Variants in JAZF1 observed in about 807,000 individuals in gnomAD.
JAZF1 encodes the protein juxtaposed with another zinc finger protein 1.
Under a neutral mutation model 26.4 loss-of-function variants are expected in JAZF1, and 8 were observed. The observed-to-expected ratio is 0.30, with a 90% CI of 0.18 to 0.55. The LOEUF (loss-of-function observed/expected upper bound fraction) is 0.55. Ranked by LOEUF, JAZF1 falls within the 20% of genes least tolerant of loss-of-function variation. The probability of loss-of-function intolerance (pLI) is 0.94; values close to 1 mark genes in which losing one functional copy is unlikely to be tolerated. For synonymous variants in JAZF1, 126 were observed against 122.3 expected (o/e 1.03, Z -0.20); for missense variants, 199 against 322.0 (o/e 0.62, Z 2.92).
intron 1 of JAZF1, among the ~76,000 whole-genome samples, chr7:28,179,483 C>T (rs1428967213): frequency 6.6e-6 from 1 of 152,066 alleles, no homozygotes; most frequent in East Asian, 1.9e-4. Flanking sequence ...CAGGGCGCAG[C>T]CAGCGCACCT....
At chr7:27,855,489 G>T (rs925116191) in intron 3 of JAZF1, among the ~76,000 whole-genome samples, 1 of 152,062 alleles carries the variant, frequency 6.6e-6, no homozygotes, top group African/African-American at 2.4e-5. Flanking sequence ...TAAGAAAAGA[G>T]AGAAGAATCA....
chr7:27,906,259 C>T lies in JAZF1; in HGVS notation c.189-10843G>A, dbSNP rs78391821. ...GGGGTGGTGAGGTGCTGGATGCCCC[C>T]GTTCCCTGGCCCCACATGCCCCAGG... On this transcript the variant is annotated intron_variant, in intron 2 of 4. Coordinates refer to ENST00000283928, the MANE Select transcript of JAZF1 (RefSeq NM_175061.4). Among the ~76,000 whole-genome samples the T allele has an allele frequency of 2.7e-3, 408 of 152,036 alleles. 2 individuals carry two copies. Among genetic ancestry groups the T allele is most frequent in the African/African-American group, 9.6e-3 (399 of 41,454 alleles).
At chr7:28,068,485 C>T (rs1263012475) in intron 1 of JAZF1, among the ~76,000 whole-genome samples, 2 of 152,144 alleles carry the variant, frequency 1.3e-5, no homozygotes, top group African/African-American at 4.8e-5. Flanking sequence ...CAAAGGCAAA[C>T]TTCCCTGAAG....
At chr7:27,989,385 A>G (rs1427157694) in intron 2 of JAZF1, among the ~76,000 whole-genome samples, 1 of 152,238 alleles carries the variant, frequency 6.6e-6, no homozygotes, top group East Asian at 1.9e-4. Flanking sequence ...ATGGACAAGG[A>G]CTTCATGACT....
At chr7:27,925,506 C>G (rs996103883) in intron 2 of JAZF1, among the ~76,000 whole-genome samples, 4 of 152,186 alleles carry the variant, frequency 2.6e-5, no homozygotes, top group Admixed American at 2.6e-4. Flanking sequence ...ATTGCAGCCT[C>G]TAACTCTTGG....
intron 1 of JAZF1, among the ~76,000 whole-genome samples, chr7:28,116,189 G>T (rs1784738945): frequency 6.6e-6 from 1 of 152,012 alleles, no homozygotes; most frequent in Non-Finnish European, 1.5e-5. Flanking sequence ...TGGGTCAAAG[G>T]GTAATTGTAT....
At chr7:27,848,139 T>C (rs900151143) in intron 3 of JAZF1, among the ~76,000 whole-genome samples, 2 of 152,266 alleles carry the variant, frequency 1.3e-5, no homozygotes, top group Admixed American at 1.3e-4. Context: ...TGATTCCATA[T>C]GTCACTTTGG....
At chr7:28,020,775 C>G (rs1782994155) in intron 1 of JAZF1, 2 of 457,542 alleles carry the variant, frequency 4.4e-6, no homozygotes, top group Admixed American at 2.4e-5. Flanking sequence ...CTGAGCATCT[C>G]TTCTCCAGCA....
chr7:27,852,081 C>T (rs1783161761), intron 3 of JAZF1, among the ~76,000 whole-genome samples: 1 of 151,736 alleles, frequency 6.6e-6, no homozygotes, highest in Non-Finnish European at 1.5e-5. Flanking sequence ...GTTTCCTTGC[C>T]TAGACTCCTA....
chr7:28,098,597 T>A (rs1446956357), intron 1 of JAZF1, among the ~76,000 whole-genome samples: 2 of 152,078 alleles, frequency 1.3e-5, no homozygotes, highest in Non-Finnish European at 2.9e-5. Context: ...TATTTCAGAG[T>A]CTCCTTTATC....
At chr7:28,099,761 C>A (rs1276310202) in intron 1 of JAZF1, among the ~76,000 whole-genome samples, 3 of 152,194 alleles carry the variant, frequency 2.0e-5, no homozygotes, top group African/African-American at 7.2e-5. Context: ...CAGGCACGAT[C>A]CACCGCGCCT....
At chr7:27,884,509 C>G (rs968677054) in intron 3 of JAZF1, among the ~76,000 whole-genome samples, 3 of 152,196 alleles carry the variant, frequency 2.0e-5, no homozygotes, top group Non-Finnish European at 4.4e-5. Flanking sequence ...ATCCATCACT[C>G]AAGAAAGTTC....
intron 1 of JAZF1, among the ~76,000 whole-genome samples, chr7:28,177,659 C>T (rs1034699581): frequency 6.6e-6 from 1 of 152,182 alleles, no homozygotes; most frequent in Admixed American, 6.5e-5. Context: ...TAACACACCT[C>T]TTATTCTTTT....
intron 1 of JAZF1, among the ~76,000 whole-genome samples, chr7:28,141,890 T>C (rs1180404817): frequency 6.6e-6 from 1 of 152,158 alleles, no homozygotes; most frequent in Non-Finnish European, 1.5e-5. Context: ...AAATAATACT[T>C]GTTACTGGTC....
At chr7:28,043,198 A>C (rs1012444640) in intron 1 of JAZF1, among the ~76,000 whole-genome samples, 55 of 152,330 alleles carry the variant, frequency 3.6e-4, no homozygotes, top group African/African-American at 1.3e-3. Context: ...GGAAGCCAAT[A>C]AACTGGCGAG....
chr7:27,935,080 C>T (rs1407702144), intron 2 of JAZF1, among the ~76,000 whole-genome samples: 1 of 152,028 alleles, frequency 6.6e-6, no homozygotes, highest in African/African-American at 2.4e-5. Flanking sequence ...TATACAAATG[C>T]CAATAAGCAT....
At chr7:28,081,082 A>T (rs755832363) in intron 1 of JAZF1, among the ~76,000 whole-genome samples, 2 of 152,174 alleles carry the variant, frequency 1.3e-5, no homozygotes, top group Non-Finnish European at 2.9e-5. Context: ...CCTCGTGGGG[A>T]CCAGCACAGG....
At chr7:27,850,826 TTTTAC>T (rs1009838118) in intron 3 of JAZF1, among the ~76,000 whole-genome samples, 8 of 152,126 alleles carry the variant, frequency 5.3e-5, no homozygotes, top group African/African-American at 1.9e-4. Flanking sequence ...TTTTTTTTTT[TTTTAC>T]TTAAGAACTA....
chr7:27,897,114 A>T (rs1264461685), intron 2 of JAZF1, among the ~76,000 whole-genome samples: 1 of 152,134 alleles, frequency 6.6e-6, no homozygotes, highest in Non-Finnish European at 1.5e-5. Context: ...AGAACTGCTA[A>T]CTATCATGGT....
Sources: gnomAD v4.1 joint callset for allele counts (sites outside exome capture counted in the v4.1 genomes callset) on GRCh38, gnomAD v4.1.1 for gene constraint, MANE v1.5 for transcripts, NCBI Gene and HGNC (gene_info 2026-07-23, HGNC 2026-07-21) for gene names.